The following PSIP1 variants were observed in gnomAD, a reference collection of about 807,000 sequenced individuals.
PSIP1 encodes the protein PC4 and SRSF1 interacting protein 1, also known as PC4 and SFRS1-interacting protein.
PSIP1 carries 19 observed loss-of-function variants against 74.7 expected under a neutral mutation model. That is an observed-to-expected ratio of 0.25 (90% CI 0.18 to 0.37). The LOEUF (loss-of-function observed/expected upper bound fraction) is 0.37, where lower values mean the gene tolerates loss of function less well. Ranked by LOEUF, PSIP1 falls within the 10% of genes least tolerant of loss-of-function variation. The probability of loss-of-function intolerance (pLI) is 1.00; values close to 1 mark genes in which losing one functional copy is unlikely to be tolerated. For synonymous variants in PSIP1, 222 were observed against 195.3 expected (o/e 1.14, Z -1.14); for missense variants, 601 against 614.3 (o/e 0.98, Z 0.23).
At position 15,506,666 on chromosome 9, in the gene PSIP1, A is replaced by G. The variant is rs1420846813; in HGVS notation, c.73-29T>C. 2.0e-6 allele frequency: 3 copies of G among 1,488,376 alleles called. No individual in the cohort carries two copies. The South Asian group carries it at 3.4e-5, about 17-fold the overall frequency. 92.2% of individuals were successfully genotyped at this position (1,488,376 alleles called of 1,614,324 possible). A position where few individuals can be genotyped will look rare whatever the true frequency, so the allele number is the denominator to read the frequency against. On this transcript the variant is annotated intron_variant, in intron 2 of 15. Coordinates refer to ENST00000380733, the MANE Select transcript of PSIP1 (RefSeq NM_033222.5). ...AAAGAAAAGTGAGAAAAATTAAAAT[A>G]TTTTAAATCATACACACCTCAACAT...
At chr9:15,495,302 A>ATAAAGT (rs148191735) in intron 3 of PSIP1, among the ~76,000 whole-genome samples, 1 of 151,962 alleles carries the variant, frequency 6.6e-6, no homozygotes, top group African/African-American at 2.4e-5. Context: ...TGTATAAAAG[A>ATAAAGT]TAAATTTTTT....
At chr9:15,485,303 C>T (rs2036513128) in intron 6 of PSIP1, among the ~76,000 whole-genome samples, 1 of 152,048 alleles carries the variant, frequency 6.6e-6, no homozygotes, top group Admixed American at 6.5e-5. Flanking sequence ...CTTCCCTGCT[C>T]CTTCATCCGC....
At chr9:15,485,424 T>C (rs549699451) in intron 6 of PSIP1, among the ~76,000 whole-genome samples, 1 of 152,344 alleles carries the variant, frequency 6.6e-6, no homozygotes, top group African/African-American at 2.4e-5. Context: ...TACCTCCTCA[T>C]GAGATACTGA....
At chr9:15,508,380 G>C (rs1463830053) in intron 2 of PSIP1, among the ~76,000 whole-genome samples, 1 of 152,180 alleles carries the variant, frequency 6.6e-6, no homozygotes, top group African/African-American at 2.4e-5. Context: ...ATGGGGAAAA[G>C]GGAAAAGACA....
chr9:15,498,208 G>C (rs1240544352), intron 3 of PSIP1, among the ~76,000 whole-genome samples: 1 of 152,172 alleles, frequency 6.6e-6, no homozygotes, highest in African/African-American at 2.4e-5. Context: ...CTGAGGTCAG[G>C]AGTTCGAGAC....
chr9:15,465,945 T>C (rs1001341398), intron 15 of PSIP1: 33 of 184,794 alleles, frequency 1.8e-4, no homozygotes, highest in African/African-American at 7.3e-4. Context: ...AAAGAGAGGT[T>C]GATACACACA....
chr9:15,501,367 C>A (rs191983206), intron 3 of PSIP1, among the ~76,000 whole-genome samples: 5 of 149,542 alleles, frequency 3.3e-5, no homozygotes, highest in Non-Finnish European at 5.9e-5. Context: ...TCCAGCTCTT[C>A]GAGTGTGGGT....
chr9:15,499,760 G>C (rs1181042309), intron 3 of PSIP1, among the ~76,000 whole-genome samples: 1 of 151,856 alleles, frequency 6.6e-6, no homozygotes, highest in Non-Finnish European at 1.5e-5. Flanking sequence ...TGTAATCCCA[G>C]CTACTCAGGA....
rs192413262 is a variant in PSIP1, at chr9:15,472,202, A to G, written c.977+430T>C. On this transcript the variant is annotated intron_variant, in intron 10 of 15. Transcript: ENST00000380733. ...TTTTACTGGCTTCCTGGGTTTCCAA[A>G]TGTGCTTTTGTTACTTTTGCTGGTC... is the stretch of plus-strand genomic sequence containing the variant. 71 of 987,568 alleles carry G rather than the reference A, an allele frequency of 7.2e-5. No homozygotes were observed. The African/African-American group carries it at 1.1e-3, about 15-fold the overall frequency. 61.2% of individuals were successfully genotyped at this position (987,568 alleles called of 1,614,324 possible).
intron 8 of PSIP1, among the ~76,000 whole-genome samples, chr9:15,477,727 C>A (rs759807902): frequency 1.3e-5 from 2 of 151,986 alleles, no homozygotes; most frequent in Admixed American, 1.3e-4. Context: ...CCAAAAAACA[C>A]GCACAATTTC....
chr9:15,494,359 C>T (rs7032720), intron 3 of PSIP1, among the ~76,000 whole-genome samples: 27 of 151,748 alleles, frequency 1.8e-4, no homozygotes, highest in Non-Finnish European at 3.4e-4. Context: ...TGAGGTCAGG[C>T]GTTTGAAACC....
intron 3 of PSIP1, among the ~76,000 whole-genome samples, chr9:15,497,954 C>A (rs754848597): frequency 2.6e-5 from 4 of 152,114 alleles, no homozygotes; most frequent in Admixed American, 6.6e-5. Flanking sequence ...AAATGAGTAT[C>A]TTTTTATGTC....
intron 14 of PSIP1, among the ~76,000 whole-genome samples, chr9:15,467,393 AAACC>A (rs1404179227): frequency 3.9e-5 from 6 of 152,258 alleles, no homozygotes; most frequent in Non-Finnish European, 8.8e-5. Context: ...CAAAAACAAA[AAACC>A]AACCGACTGC....
intron 14 of PSIP1, among the ~76,000 whole-genome samples, chr9:15,467,905 T>C (rs2035698991): frequency 6.6e-6 from 1 of 151,992 alleles, no homozygotes; most frequent in Non-Finnish European, 1.5e-5. Flanking sequence ...TGGATTACCA[T>C]AGGTCGGGAG....
At chr9:15,471,877 CAA>C (rs2035846873) in intron 10 of PSIP1, 5 of 982,078 alleles carry the variant, frequency 5.1e-6, no homozygotes, top group Admixed American at 6.2e-5. Flanking sequence ...AACAAAAAAA[CAA>C]AATTTAGTCA....
chr9:15,488,258 G>A (rs2036642975), intron 4 of PSIP1, among the ~76,000 whole-genome samples: 1 of 152,046 alleles, frequency 6.6e-6, no homozygotes, highest in Non-Finnish European at 1.5e-5. Flanking sequence ...CTTGACCTGG[G>A]GGGCAGAGGC....
At chr9:15,471,408 T>A in intron 10 of PSIP1, 1 of 1,493,584 alleles carries the variant, frequency 6.7e-7, no homozygotes, top group Non-Finnish European at 9.0e-7. Context: ...CAAAAGAAAC[T>A]GAAATACATA....
intron 3 of PSIP1, among the ~76,000 whole-genome samples, chr9:15,502,672 G>T (rs1008878627): frequency 6.6e-6 from 1 of 152,178 alleles, no homozygotes; most frequent in African/African-American, 2.4e-5. Context: ...CAAAGAACAA[G>T]ATTTGCTGAC....
chr9:15,468,552 T>A lies in PSIP1; in HGVS notation c.1420+78A>T, dbSNP rs73421382. 10,622 of 1,460,298 alleles carry A rather than the reference T, an allele frequency of 7.3e-3. 563 individuals are homozygous for A. The African/African-American group carries it at 0.13, about 17-fold the overall frequency. 90.5% of individuals were successfully genotyped at this position (1,460,298 alleles called of 1,614,324 possible). ...GTGGCGTATACACAGTGAAACTATG[T>A]ATGAAAGCCATTTTTAAAAGCAGTC... is the stretch of plus-strand genomic sequence containing the variant. On this transcript the variant is annotated intron_variant, in intron 14 of 15. Coordinates refer to ENST00000380733, the MANE Select transcript of PSIP1 (RefSeq NM_033222.5).
Sources: gnomAD v4.1 joint callset for allele counts (sites outside exome capture counted in the v4.1 genomes callset) on GRCh38, gnomAD v4.1.1 for gene constraint, MANE v1.5 for transcripts, NCBI Gene and HGNC (gene_info 2026-07-23, HGNC 2026-07-21) for gene names.